The following ESRRG variants were observed in gnomAD, a reference collection of about 807,000 sequenced individuals.
ESRRG encodes the protein estrogen related receptor gamma.
In ESRRG, 13 loss-of-function variants were observed where a neutral mutation model predicts 44.0. The ratio of observed to expected loss-of-function variants is 0.30; its 90% CI spans 0.19 to 0.47. The LOEUF is 0.47. ESRRG is among the 20% of genes least tolerant of loss of function. The pLI is 1.00. For synonymous variants in ESRRG, 215 were observed against 214.6 expected (o/e 1.00, Z -0.02); for missense variants, 395 against 580.6 (o/e 0.68, Z 3.29).
intron 2 of ESRRG, among the ~76,000 whole-genome samples, chr1:216,804,332 T>G (rs2094717204): frequency 6.6e-6 from 1 of 152,008 alleles, no homozygotes; most frequent in East Asian, 1.9e-4. Flanking sequence ...CTGCACAGAG[T>G]GGGGCTTGAC....
intron 2 of ESRRG, among the ~76,000 whole-genome samples, chr1:216,751,969 T>C (rs2092056535): frequency 6.6e-6 from 1 of 152,142 alleles, no homozygotes. Flanking sequence ...GAATGGGCTC[T>C]GCCATCTGGT....
intron 2 of ESRRG, among the ~76,000 whole-genome samples, chr1:216,745,164 G>A (rs1338417525): frequency 6.6e-6 from 1 of 151,754 alleles, no homozygotes; most frequent in East Asian, 1.9e-4. Flanking sequence ...TTGTTTGTTT[G>A]TTTGTTTGTT....
intron 1 of ESRRG, among the ~76,000 whole-genome samples, chr1:216,966,145 G>A (rs2150231392): frequency 6.6e-6 from 1 of 152,062 alleles, no homozygotes; most frequent in East Asian, 1.9e-4. Flanking sequence ...TGGTACCTGG[G>A]TCTCCATTTG....
chr1:216,829,947 C>T (rs527998236), intron 2 of ESRRG, among the ~76,000 whole-genome samples: 113 of 152,100 alleles, frequency 7.4e-4, no homozygotes, highest in Non-Finnish European at 1.3e-3. Flanking sequence ...TACCAGCCAA[C>T]TTGACAATGC....
At chr1:217,122,662 CACTTTT>C (rs2092835212) in intron 1 of ESRRG, among the ~76,000 whole-genome samples, 1 of 132,136 alleles carries the variant, frequency 7.6e-6, no homozygotes, top group Non-Finnish European at 1.6e-5. Flanking sequence ...AAGACACACA[CACTTTT>C]TTTTTTTTTT....
At chr1:216,973,767 G>A (rs868603761) in intron 1 of ESRRG, among the ~76,000 whole-genome samples, 44 of 151,482 alleles carry the variant, frequency 2.9e-4, no homozygotes, top group African/African-American at 8.5e-4. Context: ...CAGAGGTTGC[G>A]GTGAGCTGAG....
intron 1 of ESRRG, among the ~76,000 whole-genome samples, chr1:217,019,131 C>T (rs1579574274): frequency 6.6e-6 from 1 of 152,222 alleles, no homozygotes; most frequent in Non-Finnish European, 1.5e-5. Flanking sequence ...TGTTCTCTAA[C>T]TGTAGTTCTC....
chr1:216,866,658 C>T (rs973288550), intron 2 of ESRRG, among the ~76,000 whole-genome samples: 3 of 151,900 alleles, frequency 2.0e-5, no homozygotes, highest in Admixed American at 2.0e-4. Flanking sequence ...GCAGTCTTGA[C>T]CTCCTAGGCT....
chr1:217,096,781 T>G (rs2092430793), intron 1 of ESRRG, among the ~76,000 whole-genome samples: 3 of 152,204 alleles, frequency 2.0e-5, no homozygotes, highest in Admixed American at 1.3e-4. Flanking sequence ...TATGACTGTC[T>G]TTGCTGCCTT....
At chr1:216,760,088 T>G (rs2092687594) in intron 2 of ESRRG, among the ~76,000 whole-genome samples, 1 of 152,034 alleles carries the variant, frequency 6.6e-6, no homozygotes, top group African/African-American at 2.4e-5. Flanking sequence ...CTTCCACATG[T>G]CTGTAAGCAC....
At chr1:217,021,436 A>C (rs570725616) in intron 1 of ESRRG, among the ~76,000 whole-genome samples, 1 of 152,234 alleles carries the variant, frequency 6.6e-6, no homozygotes, top group African/African-American at 2.4e-5. Context: ...GGAATTGGTC[A>C]TCAAGTGGCA....
At chr1:216,909,850 T>C (rs2060109430) in intron 2 of ESRRG, among the ~76,000 whole-genome samples, 2 of 152,154 alleles carry the variant, frequency 1.3e-5, no homozygotes, top group Non-Finnish European at 2.9e-5. Flanking sequence ...TATGGGCTCT[T>C]TTCAGAAATG....
chr1:216,592,478 A>G (rs974631199), intron 3 of ESRRG, among the ~76,000 whole-genome samples: 4 of 151,682 alleles, frequency 2.6e-5, no homozygotes, highest in Non-Finnish European at 5.9e-5. Flanking sequence ...CATTGCTACA[A>G]TTTCAAGATG....
In ESRRG at chr1:216,868,079, CTTTT is replaced by C. The variant is rs58738849; in HGVS notation, c.-14+71499_-14+71502del. Among the ~76,000 whole-genome samples the C allele has an allele frequency of 9.7e-3, 761 of 78,352 alleles. 3 individuals carry two copies. The highest frequency in any genetic ancestry group is 0.039 in the African/African-American group (694 of 17,894). The allele number at this position is 78,352 out of a possible 152,430, so 51.4% of individuals were successfully genotyped here. A position where few individuals can be genotyped will look rare whatever the true frequency, so the allele number is the denominator to read the frequency against. On this transcript the variant is annotated intron_variant, in intron 2 of 7. Transcript: ENST00000359162. ...GTCCAAATTGTTGTGTATATTGATC[CTTTT>C]TTTTTTTTTTTTTTTTTTTTTGAGA... is the stretch of plus-strand genomic sequence containing the variant.
At chr1:217,006,447 C>T (rs2077749417) in intron 1 of ESRRG, among the ~76,000 whole-genome samples, 1 of 152,058 alleles carries the variant, frequency 6.6e-6, no homozygotes, top group Non-Finnish European at 1.5e-5. Context: ...CAATAAGTCT[C>T]ACAGGCTGTG....
At chr1:216,999,290 A>T (rs1346364775) in intron 1 of ESRRG, among the ~76,000 whole-genome samples, 1 of 152,162 alleles carries the variant, frequency 6.6e-6, no homozygotes, top group Non-Finnish European at 1.5e-5. Context: ...AGCACAGTCT[A>T]GGTGTATGTA....
At chr1:216,709,032 A>G (rs2083013474) in intron 1 of ESRRG, among the ~76,000 whole-genome samples, 1 of 152,090 alleles carries the variant, frequency 6.6e-6, no homozygotes, top group African/African-American at 2.4e-5. Flanking sequence ...ACATGGACAC[A>G]GGGAGGGGAA....
At chr1:217,114,621 T>C (rs1312886932) in intron 1 of ESRRG, among the ~76,000 whole-genome samples, 3 of 151,786 alleles carry the variant, frequency 2.0e-5, no homozygotes, top group African/African-American at 4.8e-5. Context: ...TTTACTGTCC[T>C]GAATGGGGTA....
intron 2 of ESRRG, among the ~76,000 whole-genome samples, chr1:216,861,800 A>T (rs923529763): frequency 6.6e-6 from 1 of 152,146 alleles, no homozygotes; most frequent in Non-Finnish European, 1.5e-5. Context: ...AAAATCAAAT[A>T]AAAGGTTTAT....
Sources: allele counts gnomAD v4.1 joint callset (sites outside exome capture counted in the v4.1 genomes callset), GRCh38; gene constraint gnomAD v4.1.1; transcripts MANE v1.5; gene names NCBI Gene and HGNC (gene_info 2026-07-23, HGNC 2026-07-21).